CSRNP3: variants seen among roughly 807,000 people sequenced by gnomAD.
CSRNP3 encodes cysteine/serine-rich nuclear protein 3.
In CSRNP3, 12 loss-of-function variants were observed where a neutral mutation model predicts 48.0. The ratio of observed to expected loss-of-function variants is 0.25; its 90% CI spans 0.16 to 0.41. The LOEUF (loss-of-function observed/expected upper bound fraction) is 0.41. Ranked by LOEUF, CSRNP3 falls within the 10% of genes least tolerant of loss-of-function variation. The pLI, the probability that CSRNP3 is intolerant of heterozygous loss-of-function variation, is 1.00. For missense variants in CSRNP3, 580 were observed against 724.4 expected, an observed-to-expected ratio of 0.80 and a Z score of 2.29; for synonymous variants, 263 against 269.7, an observed-to-expected ratio of 0.98 and a Z score of 0.24.
chr2:165,673,131 C>CTTTTTTTTTTTTTTTTTTTT (rs3032370), intron 5 of CSRNP3, among the ~76,000 whole-genome samples: 1 of 67,124 alleles, frequency 1.5e-5, no homozygotes, highest in Non-Finnish European at 2.6e-5. Context: ...GTATGTAGCT[C>CTTTTTTTTTTTTTTTTTTTT]TTTTTTTTTT....
chr2:165,602,701 T>C (rs1365498549), intron 4 of CSRNP3, among the ~76,000 whole-genome samples: 4 of 152,184 alleles, frequency 2.6e-5, no homozygotes, highest in African/African-American at 9.7e-5. Context: ...CCACTGCTAC[T>C]TCTTCTGGTC....
intron 3 of CSRNP3, among the ~76,000 whole-genome samples, chr2:165,591,762 G>A (rs1009099708): frequency 2.6e-5 from 4 of 152,310 alleles, no homozygotes; most frequent in Admixed American, 2.6e-4. Context: ...TGAGGCTTGG[G>A]AACCTCTGCC....
chr2:165,516,493 G>T (rs1684584336), intron 2 of CSRNP3, among the ~76,000 whole-genome samples: 1 of 151,976 alleles, frequency 6.6e-6, no homozygotes, highest in Non-Finnish European at 1.5e-5. Context: ...ACTATATGAG[G>T]TAGTATAATT....
At chr2:165,636,763 A>C (rs148521048) in intron 4 of CSRNP3, among the ~76,000 whole-genome samples, 1 of 152,192 alleles carries the variant, frequency 6.6e-6, no homozygotes, top group Non-Finnish European at 1.5e-5. Context: ...CTAAAATTTC[A>C]TCATGCTAAT....
rs532083886 is a variant in CSRNP3, at chr2:165,485,576, G to A, written c.-282-9183G>A. Among the ~76,000 whole-genome samples the A allele has an allele frequency of 3.5e-4, 53 of 152,234 alleles. 1 individual carries two copies. In the South Asian group the frequency reaches 0.011, roughly 30 times the overall value. On this transcript the variant is annotated intron_variant, in intron 1 of 6. Coordinates refer to ENST00000651982, the MANE Select transcript of CSRNP3 (RefSeq NM_001172173.2). ...TGCAGGCTACTTGGCTTTCAAACAG[G>A]GTCAACCCAGAGCCAGAGTCCTATA...
At chr2:165,608,070 C>T (rs943742188) in intron 4 of CSRNP3, among the ~76,000 whole-genome samples, 4 of 149,832 alleles carry the variant, frequency 2.7e-5, no homozygotes, top group Non-Finnish European at 5.9e-5. Context: ...TATTTACCCA[C>T]GTATATATAT....
At chr2:165,578,283 C>T (rs1482223602) in intron 3 of CSRNP3, among the ~76,000 whole-genome samples, 2 of 152,022 alleles carry the variant, frequency 1.3e-5, no homozygotes, top group Non-Finnish European at 2.9e-5. Flanking sequence ...TCTTTATCTC[C>T]ATGCAAGCTT....
intron 4 of CSRNP3, among the ~76,000 whole-genome samples, chr2:165,603,819 C>A (rs1422877690): frequency 6.6e-6 from 1 of 152,168 alleles, no homozygotes; most frequent in African/African-American, 2.4e-5. Context: ...GATTTTCTGG[C>A]CATCTCAAAG....
intron 3 of CSRNP3, among the ~76,000 whole-genome samples, chr2:165,546,689 G>A (rs1344809052): frequency 6.6e-6 from 1 of 152,174 alleles, no homozygotes; most frequent in Non-Finnish European, 1.5e-5. Flanking sequence ...ATTTGAATGA[G>A]TTCAGAGAAT....
intron 1 of CSRNP3, among the ~76,000 whole-genome samples, chr2:165,477,594 G>C (rs190356023): frequency 1.3e-5 from 2 of 149,864 alleles, no homozygotes; most frequent in Non-Finnish European, 3.0e-5. Flanking sequence ...GCTTGAACCC[G>C]GGAGGCGGAG....
chr2:165,637,713 T>C (rs1662844292), intron 4 of CSRNP3, among the ~76,000 whole-genome samples: 1 of 152,230 alleles, frequency 6.6e-6, no homozygotes, highest in Non-Finnish European at 1.5e-5. Context: ...AACAATTTCA[T>C]TGTCTTCAAT....
Position 165,684,509 on chromosome 2 carries a change from A to G in CSRNP3, c.*4756A>G, listed in dbSNP as rs1446442808. On this transcript the variant is annotated 3_prime_UTR_variant, in exon 7 of 7. Coordinates refer to ENST00000651982, the MANE Select transcript of CSRNP3 (RefSeq NM_001172173.2). ...CAAGACTTGTCTGTAATTTTAAATT[A>G]GAACTGTTGGTTGTATTCTTACCAC... The G allele has an allele frequency of 2.6e-5, 4 of 152,126 alleles. No homozygotes were observed. The highest frequency in any genetic ancestry group is 9.7e-5 in the African/African-American group (4 of 41,428). 9.4% of individuals were successfully genotyped at this position (152,126 alleles called of 1,614,324 possible).
chr2:165,477,340 C>T (rs951709124), intron 1 of CSRNP3, among the ~76,000 whole-genome samples: 2 of 150,906 alleles, frequency 1.3e-5, no homozygotes, highest in Non-Finnish European at 2.9e-5. Flanking sequence ...AATTGTAGGC[C>T]GGGTGCAGTG....
intron 4 of CSRNP3, among the ~76,000 whole-genome samples, chr2:165,621,495 A>G (rs1296830521): frequency 6.6e-6 from 1 of 152,200 alleles, no homozygotes; most frequent in African/African-American, 2.4e-5. Flanking sequence ...TTTCCAGTGG[A>G]GCATAGAATG....
chr2:165,653,665 A>G lies in CSRNP3; in HGVS notation c.149-4096A>G, dbSNP rs529817906. Among the ~76,000 whole-genome samples, 296 of 152,292 alleles carry G rather than the reference A, an allele frequency of 1.9e-3. 1 individual carries two copies. Among genetic ancestry groups the G allele is most frequent in the Non-Finnish European group, 3.3e-3 (226 of 68,024 alleles). ...TGAGAGTGCCACCAATTGTCTAAAA[A>G]GTAAGTACTAAAATTACCAGAGGTG... is the stretch of plus-strand genomic sequence containing the variant. On this transcript the variant is annotated intron_variant, in intron 4 of 6. Transcript: ENST00000651982.
At chr2:165,491,916 A>G (rs1417705649) in intron 1 of CSRNP3, among the ~76,000 whole-genome samples, 7 of 148,260 alleles carry the variant, frequency 4.7e-5, no homozygotes, top group Non-Finnish European at 9.0e-5. Context: ...TAACCTGCAC[A>G]ATGTACACAT....
Position 165,676,438 on chromosome 2 carries a change from A to G in CSRNP3, c.535A>G (p.Thr179Ala). 3 of 1,614,194 alleles carry G rather than the reference A, an allele frequency of 1.9e-6. No homozygotes were observed. The highest frequency in any genetic ancestry group is 2.5e-6 in the Non-Finnish European group (3 of 1,180,008). ...DEYFFLQPLPTKKRRALLRAS... is the reference protein window; with the variant it reads ...DEYFFLQPLPAKKRRALLRAS... ...GTACTTCTTCCTACAACCTTTGCCAACAAAAAAACGAAGAGCTCTGCTGCG... is the reference window on the plus strand; with the variant it reads ...GTACTTCTTCCTACAACCTTTGCCAGCAAAAAAACGAAGAGCTCTGCTGCG... The change falls in exon 6 of 7, where the codon ACA (threonine) becomes GCA (alanine). Residue 179 changes from threonine (T) to alanine (A), a missense_variant. Around this residue, in one of 4 missense-constraint regions of CSRNP3, gnomAD observed 66 missense variants for 137.6 expected, o/e 0.48. Coordinates refer to ENST00000651982, the MANE Select transcript of CSRNP3 (RefSeq NM_001172173.2).
intron 4 of CSRNP3, among the ~76,000 whole-genome samples, chr2:165,632,294 G>A (rs1313085860): frequency 6.6e-6 from 1 of 152,146 alleles, no homozygotes; most frequent in Admixed American, 6.5e-5. Context: ...GGCTGAGGCA[G>A]GAGGATTGCT....
intron 3 of CSRNP3, among the ~76,000 whole-genome samples, chr2:165,550,882 T>C (rs1260824651): frequency 6.6e-6 from 1 of 152,172 alleles, no homozygotes. Context: ...GGGAACATGA[T>C]GGATATAAGC....
Sources: allele counts gnomAD v4.1 joint callset (sites outside exome capture counted in the v4.1 genomes callset), GRCh38; gene constraint gnomAD v4.1.1; regional missense constraint gnomAD v4.1.1; transcripts MANE v1.5; gene names NCBI Gene and HGNC (gene_info 2026-07-23, HGNC 2026-07-21).